DNAH11: variants seen among roughly 807,000 people sequenced by gnomAD.
DNAH11 encodes axonemal beta dynein heavy chain 11.
Under a neutral mutation model 526.0 loss-of-function variants are expected in DNAH11, and 442 were observed. The observed-to-expected ratio is 0.84, with a 90% CI of 0.78 to 0.91. The LOEUF is 0.91. Ranked by LOEUF, DNAH11 falls within the 40% of genes least tolerant of loss-of-function variation. The pLI is 0.00. For synonymous variants in DNAH11, 2,461 were observed against 1,935.9 expected (o/e 1.27, Z -7.12); for missense variants, 6,989 against 5,448.7 (o/e 1.28, Z -8.90).
intron 20 of DNAH11, among the ~76,000 whole-genome samples, chr7:21,607,763 C>G (rs1785352898): frequency 6.6e-6 from 1 of 151,548 alleles, no homozygotes; most frequent in Admixed American, 6.6e-5. Context: ...AACCCCGTCT[C>G]TACTAAAATA....
intron 66 of DNAH11, among the ~76,000 whole-genome samples, chr7:21,844,835 T>C (rs552255938): frequency 1.3e-5 from 2 of 152,288 alleles, no homozygotes; most frequent in Non-Finnish European, 2.9e-5. Flanking sequence ...GCAGTTGCCA[T>C]GTAGGCAAAG....
intron 2 of DNAH11, among the ~76,000 whole-genome samples, chr7:21,551,639 A>G (rs1783027494): frequency 6.6e-6 from 1 of 152,208 alleles, no homozygotes; most frequent in African/African-American, 2.4e-5. Context: ...GTTTATTCCC[A>G]TAAATGACAG....
intron 9 of DNAH11, among the ~76,000 whole-genome samples, chr7:21,582,653 T>A (rs966204756): frequency 6.6e-6 from 1 of 152,070 alleles, no homozygotes; most frequent in South Asian, 2.1e-4. Flanking sequence ...TGTCCCCAGA[T>A]GAAAAGCTTA....
intron 70 of DNAH11, 102 bp from the exon 71 acceptor site, chr7:21,866,368 G>A: frequency 3.6e-6 from 4 of 1,115,824 alleles, no homozygotes; most frequent in South Asian, 3.6e-5. Flanking sequence ...ATACTATCCA[G>A]CACAGTTTTT....
At position 21,600,823 on chromosome 7, in the gene DNAH11, A is replaced by C; in HGVS notation, c.3148A>C (p.Lys1050Gln). 1 of 1,613,928 alleles carries C rather than the reference A, an allele frequency of 6.2e-7. No homozygotes were observed. Among genetic ancestry groups the C allele is most frequent in the Non-Finnish European group, 8.5e-7 (1 of 1,179,856 alleles). Residue 1050 changes from lysine (K) to glutamine (Q), a missense_variant, in exon 16 of 82, where the codon AAG (lysine) becomes CAG (glutamine). By Grantham distance (53) the Lys-to-Gln change is moderately conservative (BLOSUM62 1). Coordinates refer to ENST00000409508, the MANE Select transcript of DNAH11 (RefSeq NM_001277115.2). ...GGTGGATGATCGAGCTGAGTTTATG[A>C]AGCATTTTCTCTTGTATGGCCATGC... ...LWVDDRAEFM[K>Q]HFLLYGHAVS...
intron 20 of DNAH11, among the ~76,000 whole-genome samples, chr7:21,607,414 C>T (rs1785336511): frequency 6.6e-6 from 1 of 152,090 alleles, no homozygotes; most frequent in Admixed American, 6.6e-5. Context: ...CACAGACACA[C>T]CCAGGAACAA....
Position 21,600,127 on chromosome 7 carries a change from C to T in DNAH11, c.3000+8C>T. On this transcript the variant is annotated splice_region_variant and intron_variant, in intron 15 of 81. Transcript: ENST00000409508. ...GAAATTAAAAATTATCAGGTATTTT[C>T]TTAGTAAATGGGTATTTAGCTTTTA... 2 of 1,536,012 alleles carry T rather than the reference C, an allele frequency of 1.3e-6. No individual in the cohort carries two copies. Among genetic ancestry groups the T allele is most frequent in the East Asian group, 2.3e-5 (1 of 43,990 alleles).
At position 21,783,602 on chromosome 7, in the gene DNAH11, A is replaced by G. The variant is rs376846902; in HGVS notation, c.9484-825A>G. ...AAATTCACTCTTCCTGGCCTTTCAG[A>G]TTCTATAGGTATCTTAAGGAGAGGA... On this transcript the variant is annotated intron_variant, in intron 57 of 81. Coordinates refer to ENST00000409508, the MANE Select transcript of DNAH11 (RefSeq NM_001277115.2). 2.8e-4 allele frequency among the ~76,000 whole-genome samples: 42 copies of G among 152,198 alleles called. 1 individual carries two copies. The highest frequency in any genetic ancestry group is 9.9e-4 in the African/African-American group (41 of 41,522).
rs115318492 is a variant in DNAH11, at chr7:21,748,514, A to C, written c.8511-66A>C. The C allele has an allele frequency of 1.3e-3, 1,767 of 1,315,704 alleles. 18 individuals carry two copies. In the African/African-American group the frequency reaches 0.023, roughly 17 times the overall value. 81.5% of individuals were successfully genotyped at this position (1,315,704 alleles called of 1,614,324 possible). Reference sequence around the variant, plus strand: ...AAAAGCAAATAAATAAATAAAAATAAACAGAACAGACATAGTCCCGGGGCA... The same window carrying C: ...AAAAGCAAATAAATAAATAAAAATACACAGAACAGACATAGTCCCGGGGCA... On this transcript the variant is annotated intron_variant, in intron 51 of 81. Transcript: ENST00000409508.
chr7:21,798,256 G>A (rs1455969024), intron 61 of DNAH11, among the ~76,000 whole-genome samples: 7 of 152,082 alleles, frequency 4.6e-5, no homozygotes, highest in South Asian at 2.1e-4. Context: ...CACCATGCCC[G>A]GCTAATTTTT....
chr7:21,834,627 G>C (rs1262967787), intron 65 of DNAH11, among the ~76,000 whole-genome samples: 3 of 152,158 alleles, frequency 2.0e-5, no homozygotes, highest in African/African-American at 2.4e-5. Context: ...GAGGACAGGA[G>C]TTTGAGATCA....
chr7:21,637,581 T>C, intron 26 of DNAH11, 30 bp from the exon 27 acceptor site: 1 of 1,346,704 alleles, frequency 7.4e-7, no homozygotes, highest in Non-Finnish European at 1.0e-6. Flanking sequence ...TGTTCTAATA[T>C]CCACGGCCCC....
chr7:21,839,497 C>A (rs1044697217), intron 65 of DNAH11, among the ~76,000 whole-genome samples: 17 of 151,608 alleles, frequency 1.1e-4, no homozygotes, highest in Non-Finnish European at 2.1e-4. Flanking sequence ...ATGGCGTGAA[C>A]CCAGGAGGCA....
At chr7:21,784,745 C>T (rs1788101241) in intron 58 of DNAH11, among the ~76,000 whole-genome samples, 1 of 152,210 alleles carries the variant, frequency 6.6e-6, no homozygotes, top group African/African-American at 2.4e-5. Flanking sequence ...GGACCCTGTT[C>T]TACGGCACCC....
intron 30 of DNAH11, among the ~76,000 whole-genome samples, chr7:21,679,073 G>T (rs1035911826): frequency 1.3e-5 from 2 of 152,082 alleles, no homozygotes; most frequent in South Asian, 2.1e-4. Flanking sequence ...TACAAAGAAG[G>T]AATCTTACCA....
intron 6 of DNAH11, among the ~76,000 whole-genome samples, chr7:21,567,505 T>C (rs1351439711): frequency 6.6e-6 from 1 of 152,210 alleles, no homozygotes; most frequent in Admixed American, 6.5e-5. Flanking sequence ...TAGATCTCAT[T>C]TAAATGCCAG....
chr7:21,648,300 G>A (rs1472954561), intron 28 of DNAH11, among the ~76,000 whole-genome samples: 1 of 152,176 alleles, frequency 6.6e-6, no homozygotes, highest in Non-Finnish European at 1.5e-5. Context: ...CTGTATCCAT[G>A]CCCTTTGAAT....
chr7:21,559,882 C>A, intron 4 of DNAH11, 90 bp downstream of exon 4: 1 of 1,126,082 alleles, frequency 8.9e-7, no homozygotes, highest in South Asian at 1.6e-5. Flanking sequence ...AACACACTGT[C>A]TTTGTATAAT....
At chr7:21,789,999 G>A (rs1181182109) in intron 61 of DNAH11, among the ~76,000 whole-genome samples, 2 of 144,344 alleles carry the variant, frequency 1.4e-5, no homozygotes, top group Middle Eastern at 3.2e-3. Flanking sequence ...GTGGTTTGCT[G>A]CTCCTATCAA....
Sources: allele counts gnomAD v4.1 joint callset (sites outside exome capture counted in the v4.1 genomes callset), GRCh38; gene constraint gnomAD v4.1.1; transcripts MANE v1.5; gene names NCBI Gene and HGNC (gene_info 2026-07-23, HGNC 2026-07-21).